Variants in GRM8 observed in about 807,000 individuals in gnomAD.
The protein encoded by GRM8 is glutamate metabotropic receptor 8, also known as metabotropic glutamate receptor 8.
In GRM8, 47 loss-of-function variants were observed where a neutral mutation model predicts 87.2. The observed-to-expected ratio is 0.54, with a 90% CI of 0.43 to 0.69. The LOEUF is 0.69. Ranked by LOEUF, GRM8 falls within the 30% of genes least tolerant of loss-of-function variation. GRM8 has a pLI of 0.00. For missense variants in GRM8, 1,019 were observed against 1,139.2 expected (o/e 0.89, Z 1.52); for synonymous variants, 396 against 404.5 (o/e 0.98, Z 0.25).
At chr7:127,198,182 C>T (rs982484893) in intron 2 of GRM8, among the ~76,000 whole-genome samples, 14 of 152,028 alleles carry the variant, frequency 9.2e-5, no homozygotes, top group Non-Finnish European at 1.8e-4. Context: ...TTGGGATATC[C>T]ATCACCTCAT....
intron 3 of GRM8, among the ~76,000 whole-genome samples, chr7:127,008,439 T>C (rs974416980): frequency 3.5e-4 from 54 of 152,250 alleles, no homozygotes; most frequent in African/African-American, 1.1e-3. Context: ...TTCATGCTTA[T>C]AAATACTATT....
intron 7 of GRM8, among the ~76,000 whole-genome samples, chr7:126,639,727 A>G (rs1051843004): frequency 1.2e-4 from 18 of 152,336 alleles, no homozygotes; most frequent in African/African-American, 4.1e-4. Context: ...TATTGGGATT[A>G]ATACTGATCA....
chr7:127,064,729 A>G (rs1373143400), intron 3 of GRM8, among the ~76,000 whole-genome samples: 1 of 152,228 alleles, frequency 6.6e-6, no homozygotes, highest in Non-Finnish European at 1.5e-5. Flanking sequence ...CACTTCTCAA[A>G]AGAAGACATA....
chr7:126,525,151 T>C (rs1043799514), intron 9 of GRM8, among the ~76,000 whole-genome samples: 2 of 152,184 alleles, frequency 1.3e-5, no homozygotes, highest in Admixed American at 1.3e-4. Flanking sequence ...GAGGGCTGAC[T>C]ATGAACTTGT....
intron 2 of GRM8, among the ~76,000 whole-genome samples, chr7:127,109,302 C>A (rs1826117970): frequency 6.6e-6 from 1 of 151,998 alleles, no homozygotes; most frequent in African/African-American, 2.4e-5. Context: ...GGAAAAGCAC[C>A]CATTATCAGT....
intron 3 of GRM8, among the ~76,000 whole-genome samples, chr7:127,045,791 C>T (rs542839580): frequency 6.6e-6 from 1 of 152,252 alleles, no homozygotes; most frequent in South Asian, 2.1e-4. Context: ...TGTACTGAAG[C>T]TTTTTTACAA....
At chr7:126,998,365 T>C (rs1813383690) in intron 3 of GRM8, among the ~76,000 whole-genome samples, 1 of 151,628 alleles carries the variant, frequency 6.6e-6, no homozygotes, top group Admixed American at 6.6e-5. Flanking sequence ...AACAAAGAAC[T>C]CCAATGTCAC....
intron 2 of GRM8, among the ~76,000 whole-genome samples, chr7:127,147,286 C>T (rs373857474): frequency 2.8e-4 from 43 of 152,106 alleles, no homozygotes; most frequent in African/African-American, 8.2e-4. Context: ...TAAACATGTT[C>T]CGGCCAAAGT....
At chr7:126,627,283 G>A (rs1800801531) in intron 7 of GRM8, among the ~76,000 whole-genome samples, 1 of 152,154 alleles carries the variant, frequency 6.6e-6, no homozygotes, top group Non-Finnish European at 1.5e-5. Flanking sequence ...ATCCCAACTG[G>A]GAAGGTGATG....
At chr7:126,969,195 G>T (rs1810169776) in intron 3 of GRM8, among the ~76,000 whole-genome samples, 1 of 152,106 alleles carries the variant, frequency 6.6e-6, no homozygotes, top group Admixed American at 6.6e-5. Context: ...GATCAGGGTG[G>T]TGGTTGCTGA....
chr7:126,559,783 C>A (rs146006127), intron 8 of GRM8, among the ~76,000 whole-genome samples: 49 of 152,260 alleles, frequency 3.2e-4, no homozygotes, highest in African/African-American at 1.1e-3. Context: ...TAAACTATTA[C>A]TTTAAATTGG....
At chr7:126,500,692 T>G (rs185426093) in intron 9 of GRM8, among the ~76,000 whole-genome samples, 64 of 152,194 alleles carry the variant, frequency 4.2e-4, no homozygotes, top group African/African-American at 1.3e-3. Context: ...GTGTTTGGCA[T>G]GTAGTAATAA....
chr7:127,106,383 A>G, intron 3 of GRM8, 113 bp downstream of exon 3: 1 of 789,150 alleles, frequency 1.3e-6, no homozygotes, highest in East Asian at 2.7e-5. Flanking sequence ...AGCCTAGTTC[A>G]TGCATCTGTA....
intron 6 of GRM8, among the ~76,000 whole-genome samples, chr7:126,776,689 G>A (rs1323293503): frequency 3.9e-5 from 6 of 152,124 alleles, no homozygotes; most frequent in Admixed American, 6.6e-5. Context: ...TAAAACCAAC[G>A]GCCTGAGAAG....
intron 3 of GRM8, among the ~76,000 whole-genome samples, chr7:126,989,696 C>G (rs905093865): frequency 5.3e-5 from 8 of 152,230 alleles, no homozygotes; most frequent in African/African-American, 1.9e-4. Flanking sequence ...GATCCCAGCA[C>G]TTTGGGAGGC....
At chr7:127,085,710 T>C (rs62468878) in intron 3 of GRM8, among the ~76,000 whole-genome samples, 15,133 of 152,254 alleles carry the variant, frequency 0.099, 1,031 homozygotes, top group Middle Eastern at 0.18. Context: ...TATTAGCCCT[T>C]TGTCAGATGG....
At chr7:126,902,142 C>T (rs991309217) in intron 6 of GRM8, among the ~76,000 whole-genome samples, 9 of 152,032 alleles carry the variant, frequency 5.9e-5, no homozygotes, top group East Asian at 1.9e-4. Context: ...TAGAGGACAG[C>T]GATTAAAATA....
At chr7:127,234,691 C>T (rs1023579909) in intron 2 of GRM8, among the ~76,000 whole-genome samples, 23 of 152,316 alleles carry the variant, frequency 1.5e-4, no homozygotes, top group Middle Eastern at 3.4e-3. Flanking sequence ...CGGGCCTCCC[C>T]GGACCCACTG....
intron 8 of GRM8, among the ~76,000 whole-genome samples, chr7:126,553,495 G>T (rs1224202177): frequency 6.6e-6 from 1 of 152,052 alleles, no homozygotes; most frequent in African/African-American, 2.4e-5. Flanking sequence ...TATTTTGTTT[G>T]ACCAAAAGTA....
Sources: allele counts gnomAD v4.1 joint callset (sites outside exome capture counted in the v4.1 genomes callset), GRCh38; gene constraint gnomAD v4.1.1; transcripts MANE v1.5; gene names NCBI Gene and HGNC (gene_info 2026-07-23, HGNC 2026-07-21).